The following H2BN1 variants were observed in gnomAD, a reference collection of about 807,000 sequenced individuals.
H2BN1 encodes the protein histone H2B.N.
At chr17:32,902,341 T>C in the H2BN1 span, among the ~76,000 whole-genome samples, 1 of 152,220 alleles carries the variant, frequency 6.6e-6, no homozygotes, top group Non-Finnish European at 1.5e-5. Context: ...CAAGTTGTCC[T>C]TGTTTATTTT....
chr17:32,899,436 G>C, the H2BN1 span, among the ~76,000 whole-genome samples: 1 of 152,140 alleles, frequency 6.6e-6, no homozygotes, highest in Non-Finnish European at 1.5e-5. Context: ...AGTCAGCCTG[G>C]CTGAAGACCT....
At chr17:32,897,972 CAAGTCACA>C in the H2BN1 span, among the ~76,000 whole-genome samples, 1 of 152,126 alleles carries the variant, frequency 6.6e-6, no homozygotes, top group Admixed American at 6.6e-5. Context: ...TAGGAAAAAC[CAAGTCACA>C]AAGGTTGAAG....
chr17:32,898,318 G>T, the H2BN1 span, among the ~76,000 whole-genome samples: 1 of 152,206 alleles, frequency 6.6e-6, no homozygotes, highest in Non-Finnish European at 1.5e-5. Flanking sequence ...GACAACTTGA[G>T]TCGAAGGCAG....
the H2BN1 span, among the ~76,000 whole-genome samples, chr17:32,904,462 C>T: frequency 1.3e-5 from 2 of 152,212 alleles, no homozygotes; most frequent in Non-Finnish European, 2.9e-5. Context: ...CTCTCATCCA[C>T]CATTACACAC....
At chr17:32,898,391 C>T in the H2BN1 span, among the ~76,000 whole-genome samples, 4 of 152,092 alleles carry the variant, frequency 2.6e-5, no homozygotes, top group Admixed American at 2.6e-4. Context: ...TGGTTGTATT[C>T]TATTGAGTTT....
chr17:32,896,843 G>C, the H2BN1 span, among the ~76,000 whole-genome samples: 1 of 152,176 alleles, frequency 6.6e-6, no homozygotes, highest in Admixed American at 6.5e-5. Flanking sequence ...TTCAGGCATT[G>C]CTGAATGTCC....
chr17:32,897,261 A>C, the H2BN1 span, among the ~76,000 whole-genome samples: 2 of 151,458 alleles, frequency 1.3e-5, no homozygotes, highest in Admixed American at 6.6e-5. Flanking sequence ...AGAACCAGGA[A>C]AACTTTTTGA....
At chr17:32,895,604 C>G in the H2BN1 span, among the ~76,000 whole-genome samples, 1 of 152,114 alleles carries the variant, frequency 6.6e-6, no homozygotes, top group East Asian at 1.9e-4. Context: ...AATCCTAAAG[C>G]AAGTGAGTTG....
At chr17:32,897,103 T>C in the H2BN1 span, among the ~76,000 whole-genome samples, 1 of 152,100 alleles carries the variant, frequency 6.6e-6, no homozygotes, top group Non-Finnish European at 1.5e-5. Context: ...AAGATATTGG[T>C]TGGATAAATG....
the H2BN1 span, among the ~76,000 whole-genome samples, chr17:32,904,980 G>C: frequency 4.0e-4 from 61 of 152,244 alleles, no homozygotes; most frequent in African/African-American, 1.3e-3. Context: ...TGATCACTGA[G>C]TGTTCTAATG....
the H2BN1 span, among the ~76,000 whole-genome samples, chr17:32,897,201 C>T: frequency 6.6e-6 from 1 of 152,100 alleles, no homozygotes; most frequent in Non-Finnish European, 1.5e-5. Context: ...TAAAGGGACT[C>T]ACAATCCTGC....
the H2BN1 span, among the ~76,000 whole-genome samples, chr17:32,903,262 T>G: frequency 6.6e-6 from 1 of 151,906 alleles, no homozygotes; most frequent in East Asian, 1.9e-4. Flanking sequence ...GTACTTCCTA[T>G]CAGTTCATAA....
At chr17:32,901,891 T>G in the H2BN1 span, among the ~76,000 whole-genome samples, 1 of 152,226 alleles carries the variant, frequency 6.6e-6, no homozygotes, top group South Asian at 2.1e-4. Context: ...GCCCAATTTC[T>G]AGAAAGATCA....
chr17:32,897,358 T>TACAC, the H2BN1 span, among the ~76,000 whole-genome samples: 15,992 of 123,890 alleles, frequency 0.13, 1,142 homozygotes, highest in East Asian at 0.19. Context: ...CTCTCTGTCT[T>TACAC]ACACACACAC....
At chr17:32,900,827 C>T in the H2BN1 span, among the ~76,000 whole-genome samples, 1 of 152,080 alleles carries the variant, frequency 6.6e-6, no homozygotes, top group Non-Finnish European at 1.5e-5. Flanking sequence ...ATGATCCACC[C>T]ACTTTGGCCT....
At chr17:32,898,740 G>T in the H2BN1 span, among the ~76,000 whole-genome samples, 1 of 152,168 alleles carries the variant, frequency 6.6e-6, no homozygotes, top group African/African-American at 2.4e-5. Flanking sequence ...AGATAAAGTA[G>T]GGGGAGGAAG....
chr17:32,895,754 T>C, the H2BN1 span, among the ~76,000 whole-genome samples: 21 of 152,360 alleles, frequency 1.4e-4, no homozygotes, highest in Admixed American at 1.3e-3. Context: ...CAACAGCTTT[T>C]CTAAATTGGA....
At chr17:32,902,042 C>T in the H2BN1 span, among the ~76,000 whole-genome samples, 1 of 151,710 alleles carries the variant, frequency 6.6e-6, no homozygotes, top group African/African-American at 2.4e-5. Flanking sequence ...CTTAAACCAT[C>T]AGTTATTTTA....
the H2BN1 span, among the ~76,000 whole-genome samples, chr17:32,896,037 A>G: frequency 6.6e-6 from 1 of 151,250 alleles, no homozygotes; most frequent in Non-Finnish European, 1.5e-5. Context: ...AGATGAGACT[A>G]TAAGCCCACG....
Sources: allele counts gnomAD v4.1 joint callset (sites outside exome capture counted in the v4.1 genomes callset), GRCh38; gene constraint gnomAD v4.1.1; transcripts MANE v1.5; gene names NCBI Gene and HGNC (gene_info 2026-07-23, HGNC 2026-07-21).